Variants in INPP4A observed in about 807,000 individuals in gnomAD.
INPP4A encodes the protein inositol polyphosphate-4-phosphatase type I A.
In INPP4A, 33 loss-of-function variants were observed where a neutral mutation model predicts 119.8. The observed-to-expected ratio is 0.28, with a 90% CI of 0.21 to 0.37. The LOEUF is 0.37. Ranked by LOEUF, INPP4A falls within the 10% of genes least tolerant of loss-of-function variation. The pLI is 1.00. For missense variants in INPP4A, 956 were observed against 1,289.9 expected (o/e 0.74, Z 3.97); for synonymous variants, 496 against 500.7 (o/e 0.99, Z 0.12).
At chr2:98,490,904 CTT>C (rs1347909004) in intron 1 of INPP4A, among the ~76,000 whole-genome samples, 1 of 152,186 alleles carries the variant, frequency 6.6e-6, no homozygotes, top group Non-Finnish European at 1.5e-5. Flanking sequence ...CATCTGGACT[CTT>C]TCTGCTTTGA....
chr2:98,524,949 T>C (rs1254539059), intron 4 of INPP4A, among the ~76,000 whole-genome samples: 1 of 152,188 alleles, frequency 6.6e-6, no homozygotes, highest in Non-Finnish European at 1.5e-5. Context: ...GCAATATAAA[T>C]GTATTATCTT....
chr2:98,567,518 G>A (rs76011628), intron 21 of INPP4A, among the ~76,000 whole-genome samples: 9,181 of 152,288 alleles, frequency 0.06, 354 homozygotes, highest in Non-Finnish European at 0.083. Flanking sequence ...GTGGCCCAGG[G>A]GAGGGAAAAT....
intron 24 of INPP4A, among the ~76,000 whole-genome samples, chr2:98,577,820 C>G (rs1200247711): frequency 6.6e-6 from 1 of 152,194 alleles, no homozygotes; most frequent in African/African-American, 2.4e-5. Context: ...AGCCCCCTAC[C>G]TCACATACCA....
Position 98,590,454 on chromosome 2 carries a change from C to T in INPP4A, c.*2846C>T, listed in dbSNP as rs567142351. 28 of 189,134 alleles carry T rather than the reference C, an allele frequency of 1.5e-4. No homozygotes were observed. In the East Asian group the frequency reaches 2.3e-3, roughly 15 times the overall value. 11.7% of individuals were successfully genotyped at this position (189,134 alleles called of 1,614,324 possible). On this transcript the variant is annotated 3_prime_UTR_variant, in exon 25 of 25. Transcript: ENST00000409851. ...AAGTTGCTTGACCTCTCCAAGCCTC[C>T]GTTTCCTCATGTGCAAAGTGTGGAC...
rs560216641 is a variant in INPP4A, at chr2:98,462,275, C to T, written c.-166+17190C>T. On this transcript the variant is annotated intron_variant, in intron 1 of 24. Transcript: ENST00000409851. Reference sequence around the variant, plus strand: ...CATCCTGGCTAACACAGTGAAACCCCATCTCTACTAAAAATACAAAAAATT... The same window carrying T: ...CATCCTGGCTAACACAGTGAAACCCTATCTCTACTAAAAATACAAAAAATT... Among the ~76,000 whole-genome samples the T allele has an allele frequency of 1.2e-4, 19 of 152,130 alleles. No homozygotes were observed. The East Asian group carries it at 3.5e-3, about 28-fold the overall frequency.
chr2:98,547,708 AACAGTGTT>A (rs1002688846), intron 13 of INPP4A, among the ~76,000 whole-genome samples: 1 of 152,068 alleles, frequency 6.6e-6, no homozygotes, highest in Non-Finnish European at 1.5e-5. Context: ...ATGAGAGGAA[AACAGTGTT>A]AGAGCCGGGT....
chr2:98,524,717 ACAAGTAGAT>A lies in INPP4A; in HGVS notation c.151+3990_151+3998del, dbSNP rs146559063. Among the ~76,000 whole-genome samples the A allele has an allele frequency of 3.9e-3, 591 of 152,340 alleles. 5 individuals are homozygous for A. The highest frequency in any genetic ancestry group is 0.013 in the African/African-American group (554 of 41,590). On this transcript the variant is annotated intron_variant, in intron 4 of 24. Transcript: ENST00000409851. ...GGGTACTTTGTAACTTAAAGAAGAG[ACAAGTAGAT>A]CAATCAAATTAGGGAATTCCTGTCC...
intron 3 of INPP4A, 39 bp downstream of exon 3, chr2:98,520,193 G>A: frequency 6.9e-7 from 1 of 1,453,182 alleles, no homozygotes; most frequent in Non-Finnish European, 9.5e-7. Flanking sequence ...CCAGGTATGA[G>A]CTCACAGCAC....
intron 4 of INPP4A, among the ~76,000 whole-genome samples, chr2:98,525,279 T>G (rs1255088123): frequency 6.6e-6 from 1 of 152,168 alleles, no homozygotes; most frequent in Non-Finnish European, 1.5e-5. Context: ...CTTCCATGCT[T>G]GGAATCTCTC....
chr2:98,557,376 A>G (rs1465939535), intron 16 of INPP4A, among the ~76,000 whole-genome samples: 1 of 152,236 alleles, frequency 6.6e-6, no homozygotes, highest in East Asian at 1.9e-4. Flanking sequence ...TCCTTAATTT[A>G]AACATCTTTA....
chr2:98,507,166 T>C (rs1472002329), intron 1 of INPP4A, among the ~76,000 whole-genome samples: 2 of 152,212 alleles, frequency 1.3e-5, no homozygotes, highest in African/African-American at 2.4e-5. Flanking sequence ...TGGGTGACGG[T>C]AGAGGATGTA....
chr2:98,552,683 A>T (rs1693749925), intron 13 of INPP4A, 103 bp from the exon 14 acceptor site: 2 of 932,566 alleles, frequency 2.1e-6, no homozygotes, highest in African/African-American at 3.2e-5. Flanking sequence ...CCTGAGTCAC[A>T]GAACACTTCA....
At chr2:98,488,781 C>T (rs941909719) in intron 1 of INPP4A, among the ~76,000 whole-genome samples, 15 of 152,090 alleles carry the variant, frequency 9.9e-5, no homozygotes, top group African/African-American at 3.6e-4. Flanking sequence ...GACTGAAGTT[C>T]AGGGAAAGGA....
At chr2:98,518,848 G>T (rs747085804) in intron 1 of INPP4A, 116 bp from the exon 2 acceptor site, 2 of 152,252 alleles carry the variant, frequency 1.3e-5, no homozygotes, top group African/African-American at 4.8e-5. Context: ...TTGGATTGGG[G>T]TGTGGAGCTC....
Position 98,520,162 on chromosome 2 carries a change from T to A in INPP4A, c.106+8T>A. 6.4e-7 allele frequency: 1 copy of A among 1,551,186 alleles called. No homozygotes were observed. The highest frequency in any genetic ancestry group is 8.7e-7 in the Non-Finnish European group (1 of 1,145,724). The stretch of plus-strand genomic sequence containing the variant: ...TGGGCCTCTCTCTGGCAGGTGAGCC[T>A]CACAGGGCCTGCACCGGGCTCCAGG... On this transcript the variant is annotated splice_region_variant and intron_variant, in intron 3 of 24. Transcript: ENST00000409851.
At chr2:98,451,377 G>T (rs970997117) in intron 1 of INPP4A, among the ~76,000 whole-genome samples, 2 of 152,114 alleles carry the variant, frequency 1.3e-5, no homozygotes, top group African/African-American at 4.8e-5. Flanking sequence ...CTCTGGTGAG[G>T]TCTATTTTCT....
At chr2:98,567,917 CCCTCAGCA>C (rs1696768262) in intron 21 of INPP4A, among the ~76,000 whole-genome samples, 2 of 152,114 alleles carry the variant, frequency 1.3e-5, no homozygotes, top group Admixed American at 6.5e-5. Flanking sequence ...CTCGGAAGGC[CCCTCAGCA>C]GGGATGTGTG....
intron 4 of INPP4A, among the ~76,000 whole-genome samples, chr2:98,526,281 A>T (rs770576281): frequency 1.3e-5 from 2 of 152,224 alleles, no homozygotes; most frequent in Admixed American, 1.3e-4. Context: ...AAGTTGTGCT[A>T]TCTTGTTTTG....
intron 1 of INPP4A, among the ~76,000 whole-genome samples, chr2:98,456,638 C>A (rs1696193355): frequency 6.6e-6 from 1 of 152,232 alleles, no homozygotes; most frequent in African/African-American, 2.4e-5. Context: ...CTGTACCCAG[C>A]TACTTTTACG....
Sources: allele counts gnomAD v4.1 joint callset (sites outside exome capture counted in the v4.1 genomes callset), GRCh38; gene constraint gnomAD v4.1.1; transcripts MANE v1.5; gene names NCBI Gene and HGNC (gene_info 2026-07-23, HGNC 2026-07-21).